The following CSE1L variants were observed in gnomAD, a reference collection of about 807,000 sequenced individuals.
CSE1L encodes the protein chromosome segregation 1 like.
CSE1L carries 24 observed loss-of-function variants against 120.4 expected under a neutral mutation model. That is an observed-to-expected ratio of 0.20 (90% CI 0.14 to 0.28). The LOEUF (loss-of-function observed/expected upper bound fraction) is 0.28. CSE1L is among the 10% of genes least tolerant of loss of function. The pLI is 1.00. For synonymous variants in CSE1L, 402 were observed against 398.3 expected (o/e 1.01, Z -0.11); for missense variants, 830 against 1,145.2 (o/e 0.72, Z 3.97).
chr20:49,058,169 GA>G (rs756149864), intron 1 of CSE1L, among the ~76,000 whole-genome samples: 45 of 151,878 alleles, frequency 3.0e-4, no homozygotes, highest in Admixed American at 1.3e-3. Flanking sequence ...ACTTCTTGGT[GA>G]CTTCGAGCAG....
chr20:49,085,397 T>G lies in CSE1L; in HGVS notation c.1723+11T>G, dbSNP rs2092047337. ...AATATATTATGAAAGGTAGGCTGTT[T>G]CCCTGGTGTGCAGACTACAGGTATC... On this transcript the variant is annotated intron_variant, in intron 16 of 24. Transcript: ENST00000262982. 1.3e-6 allele frequency: 2 copies of G among 1,598,384 alleles called. No homozygotes were observed. The highest frequency in any genetic ancestry group is 4.5e-5 in the East Asian group (2 of 44,812).
At position 49,096,825 on chromosome 20, in the gene CSE1L, G is replaced by C. The variant is rs1300346786; in HGVS notation, c.*387G>C. 1 of 171,668 alleles carries C rather than the reference G, an allele frequency of 5.8e-6. No homozygotes were observed. Among genetic ancestry groups the C allele is most frequent in the Admixed American group, 5.9e-5 (1 of 16,846 alleles). 10.6% of individuals were successfully genotyped at this position (171,668 alleles called of 1,614,324 possible). ...CTCTTGTCCTTTATATTTTTTGTCTGTTTATTTACGCTTTTATTGGAAATG... is the reference window on the plus strand; with the variant it reads ...CTCTTGTCCTTTATATTTTTTGTCTCTTTATTTACGCTTTTATTGGAAATG... On this transcript the variant is annotated 3_prime_UTR_variant, in exon 25 of 25. Transcript: ENST00000262982.
chr20:49,060,968 A>G (rs923658061), intron 2 of CSE1L, among the ~76,000 whole-genome samples: 13 of 152,104 alleles, frequency 8.5e-5, no homozygotes, highest in African/African-American at 2.7e-4. Context: ...TGTGTGTTAT[A>G]TATTATGTAT....
At chr20:49,088,364 A>G (rs1040435830) in intron 17 of CSE1L, among the ~76,000 whole-genome samples, 2 of 152,340 alleles carry the variant, frequency 1.3e-5, no homozygotes, top group African/African-American at 4.8e-5. Flanking sequence ...GTAGAAAAAG[A>G]AAGTGCAGAT....
At chr20:49,053,499 C>T (rs1227581125) in intron 1 of CSE1L, among the ~76,000 whole-genome samples, 2 of 151,650 alleles carry the variant, frequency 1.3e-5, no homozygotes, top group Non-Finnish European at 2.9e-5. Context: ...GCTGGGATTA[C>T]AGGCATGTGC....
At chr20:49,069,260 C>T (rs2091915238) in intron 7 of CSE1L, among the ~76,000 whole-genome samples, 1 of 152,078 alleles carries the variant, frequency 6.6e-6, no homozygotes, top group African/African-American at 2.4e-5. Context: ...CTTGAAGTAC[C>T]AGACTTTGAA....
chr20:49,084,249 C>G, intron 15 of CSE1L, 87 bp downstream of exon 15: 1 of 1,310,322 alleles, frequency 7.6e-7, no homozygotes, highest in Non-Finnish European at 1.0e-6. Context: ...CATAATTTCA[C>G]TAGTGGGAAA....
At chr20:49,052,874 A>G (rs2091778609) in intron 1 of CSE1L, among the ~76,000 whole-genome samples, 1 of 152,238 alleles carries the variant, frequency 6.6e-6, no homozygotes, top group African/African-American at 2.4e-5. Flanking sequence ...GGCGGCAGCC[A>G]CTGCACCTGG....
chr20:49,086,359 C>CTTTTTTTTTTTTTTTTTTTT (rs10648977), intron 16 of CSE1L, among the ~76,000 whole-genome samples: 1 of 77,644 alleles, frequency 1.3e-5, no homozygotes, highest in Non-Finnish European at 2.3e-5. Context: ...GTTTAATGTC[C>CTTTTTTTTTTTTTTTTTTTT]TTTTTTTTTT....
In CSE1L at chr20:49,049,184, C is replaced by G. The variant is rs536213347; in HGVS notation, c.-12+2761C>G. ...TTACGTGGAGAAAGAAAAGTATCAC[C>G]CCCTCATTTAAAGGTGATAAAAATG... is the stretch of plus-strand genomic sequence containing the variant. On this transcript the variant is annotated intron_variant, in intron 1 of 24. Transcript: ENST00000262982. 2.0e-3 allele frequency among the ~76,000 whole-genome samples: 303 copies of G among 151,908 alleles called. 1 individual carries two copies. Among genetic ancestry groups the G allele is most frequent in the Non-Finnish European group, 3.6e-3 (244 of 67,944 alleles).
rs141092333 is a variant in CSE1L, at chr20:49,068,070, C to T, written c.568-645C>T. The stretch of plus-strand genomic sequence containing the variant: ...GGCCTGGCCAGTAAAACCTGTTAAT[C>T]GCATTTAGAATAATAAAGAATTGGA... On this transcript the variant is annotated intron_variant, in intron 6 of 24. Transcript: ENST00000262982. 3.1e-3 allele frequency among the ~76,000 whole-genome samples: 470 copies of T among 151,002 alleles called. 3 individuals carry two copies. The highest frequency in any genetic ancestry group is 0.011 in the African/African-American group (439 of 41,152).
Position 49,066,443 on chromosome 20 carries a change from C to G in CSE1L, c.409C>G (p.Arg137Gly). 2.5e-6 allele frequency: 4 copies of G among 1,614,112 alleles called. No individual in the cohort carries two copies. The highest frequency in any genetic ancestry group is 2.5e-6 in the Non-Finnish European group (3 of 1,179,970). Residue 137 changes from arginine (R) to glycine (G), a missense_variant, in exon 5 of 25, where the codon CGC becomes GGC. By Grantham distance (125) the Arg-to-Gly change is moderately radical (BLOSUM62 -2). Transcript: ENST00000262982. ...WPDLLTEMVN[R>G]FQSGDFHVIN... ...TGACTTGCTGACAGAAATGGTGAAT[C>G]GCTTTCAGAGTGGAGATTTCCATGT... is the stretch of plus-strand genomic sequence containing the variant.
chr20:49,090,329 G>A (rs1165183460), intron 19 of CSE1L, among the ~76,000 whole-genome samples: 2 of 152,204 alleles, frequency 1.3e-5, no homozygotes, highest in African/African-American at 4.8e-5. Context: ...AGGCCGAGGT[G>A]GGCAGATCAC....
intron 10 of CSE1L, 59 bp from the exon 11 acceptor site, chr20:49,074,726 G>C (rs939469775): frequency 1.1e-5 from 16 of 1,429,664 alleles, no homozygotes; most frequent in Non-Finnish European, 1.5e-5. Context: ...TGCATTCTCA[G>C]CTGTAAAGTA....
At chr20:49,052,106 C>T (rs1043863442) in intron 1 of CSE1L, among the ~76,000 whole-genome samples, 1 of 152,218 alleles carries the variant, frequency 6.6e-6, no homozygotes, top group Non-Finnish European at 1.5e-5. Context: ...TGAGTTCCCA[C>T]ATTATGTTGG....
At chr20:49,093,197 G>T (rs2092114648) in intron 22 of CSE1L, among the ~76,000 whole-genome samples, 1 of 152,176 alleles carries the variant, frequency 6.6e-6, no homozygotes, top group Non-Finnish European at 1.5e-5. Context: ...GGATTTTGAG[G>T]AAATCTCATG....
intron 1 of CSE1L, among the ~76,000 whole-genome samples, chr20:49,049,294 C>A (rs2091746666): frequency 1.3e-5 from 2 of 151,980 alleles, no homozygotes; most frequent in Non-Finnish European, 2.9e-5. Context: ...GTCTATCCTC[C>A]TACCTCAGCC....
chr20:49,074,869 T>A lies in CSE1L; in HGVS notation c.1132+19T>A. ...GGATCTGGTGTGTATCTTGGTTTTTTAGTTACTAGTCTCTTAGCAAGCCAG... is the reference window on the plus strand; with the variant it reads ...GGATCTGGTGTGTATCTTGGTTTTTAAGTTACTAGTCTCTTAGCAAGCCAG... On this transcript the variant is annotated intron_variant, in intron 11 of 24. Transcript: ENST00000262982. 1 of 1,593,686 alleles carries A rather than the reference T, an allele frequency of 6.3e-7. No homozygotes were observed. The highest frequency in any genetic ancestry group is 1.1e-5 in the South Asian group (1 of 89,152).
chr20:49,087,483 G>A (rs1358616571), intron 16 of CSE1L, among the ~76,000 whole-genome samples: 6 of 150,730 alleles, frequency 4.0e-5, no homozygotes, highest in African/African-American at 9.8e-5. Context: ...TCAGCCTCCC[G>A]AGTAGCTGGG....
Sources: allele counts gnomAD v4.1 joint callset (sites outside exome capture counted in the v4.1 genomes callset), GRCh38; gene constraint gnomAD v4.1.1; transcripts MANE v1.5; gene names NCBI Gene and HGNC (gene_info 2026-07-23, HGNC 2026-07-21).